The following PHF19 variants were observed in gnomAD, a reference collection of about 807,000 sequenced individuals.
PHF19 encodes the protein PHD finger protein 19.
A neutral mutation model predicts 79.8 loss-of-function variants in PHF19; 21 were observed. The observed-to-expected ratio is 0.26, with a 90% CI of 0.19 to 0.38. The LOEUF is 0.38. Among genes scored for constraint, PHF19 ranks in the 10% least tolerant of loss-of-function variants. The pLI, the probability that PHF19 is intolerant of heterozygous loss-of-function variation, is 1.00. For missense variants in PHF19, 445 were observed against 744.2 expected, an observed-to-expected ratio of 0.60 and a Z score of 4.68; for synonymous variants, 273 against 296.3, an observed-to-expected ratio of 0.92 and a Z score of 0.81.
At chr9:120,885,725 C>A (rs1168226606) in intron 1 of PHF19, among the ~76,000 whole-genome samples, 1 of 152,172 alleles carries the variant, frequency 6.6e-6, no homozygotes, top group Non-Finnish European at 1.5e-5. Context: ...TATGCCATGC[C>A]ACTTTTGTCA....
intron 14 of PHF19, among the ~76,000 whole-genome samples, chr9:120,858,674 G>A (rs927309730): frequency 6.6e-6 from 1 of 152,134 alleles, no homozygotes. Context: ...GCCTCCTGAG[G>A]CCATGCAGTG....
chr9:120,890,233 G>A (rs1289805240), intron 1 of PHF19, among the ~76,000 whole-genome samples: 1 of 146,420 alleles, frequency 6.8e-6, no homozygotes, highest in African/African-American at 2.6e-5. Flanking sequence ...GTTGGACCCT[G>A]ATTCAGGTTT....
upstream of PHF19, chr9:120,877,266 G>T (rs1179770544): frequency 4.4e-6 from 4 of 908,540 alleles, no homozygotes; most frequent in South Asian, 1.5e-4. Flanking sequence ...AGGGGGAGGC[G>T]GCGGAGGGAG....
Position 120,870,037 on chromosome 9 carries a change from G to T in PHF19, c.365-92C>A. 6.7e-7 allele frequency: 1 copy of T among 1,500,886 alleles called. No individual in the cohort carries two copies. Among genetic ancestry groups the T allele is most frequent in the East Asian group, 2.5e-5 (1 of 40,474 alleles). 93.0% of individuals were successfully genotyped at this position (1,500,886 alleles called of 1,614,324 possible). On this transcript the variant is annotated intron_variant, in intron 4 of 14. Transcript: ENST00000373896. This position sits in a 1 kb window ranked among gnomAD's most constrained non-coding sequence, Gnocchi z 4.4. The stretch of plus-strand genomic sequence containing the variant: ...GGAGGCAGGGCTGGGAGGGCTGAGG[G>T]AAGTCCTAGGAGCTCTGCCTGCCAG...
intron 1 of PHF19, chr9:120,894,652 A>C: frequency 6.7e-6 from 2 of 298,868 alleles, no homozygotes; most frequent in Non-Finnish European, 1.2e-5. Flanking sequence ...CCTGCGAGCC[A>C]GGGCAGCCCC....
upstream of PHF19, among the ~76,000 whole-genome samples, chr9:120,898,123 ATTGTTTGTT>A (rs1406190207): frequency 3.3e-5 from 5 of 151,972 alleles, no homozygotes; most frequent in African/African-American, 1.2e-4. Flanking sequence ...TCTCTCTAAG[ATTGTTTGTT>A]TTGAGACGAA....
upstream of PHF19, among the ~76,000 whole-genome samples, chr9:120,880,965 A>G (rs1159311589): frequency 6.6e-6 from 1 of 152,144 alleles, no homozygotes; most frequent in Non-Finnish European, 1.5e-5. Context: ...CTCAAAAACA[A>G]ACAAACAAAC....
intron 1 of PHF19, among the ~76,000 whole-genome samples, chr9:120,883,539 G>T (rs780232839): frequency 1.3e-5 from 2 of 152,070 alleles, no homozygotes; most frequent in Non-Finnish European, 2.9e-5. Flanking sequence ...TGGGTGAATT[G>T]CCTGAGCTCC....
At chr9:120,883,307 T>C (rs1420550677) in intron 1 of PHF19, among the ~76,000 whole-genome samples, 5 of 152,208 alleles carry the variant, frequency 3.3e-5, no homozygotes, top group African/African-American at 1.2e-4. Flanking sequence ...TTCCCTTGTC[T>C]AAATTTTAGT....
intron 1 of PHF19, among the ~76,000 whole-genome samples, chr9:120,894,228 T>A (rs1453653576): frequency 2.0e-5 from 3 of 152,148 alleles, no homozygotes; most frequent in Non-Finnish European, 4.4e-5. Flanking sequence ...GATCACCCAC[T>A]ACCTTTGGAG....
At chr9:120,872,037 C>CAAAAAAAAAGAAAAAAAGA (rs2045912428) in intron 3 of PHF19, among the ~76,000 whole-genome samples, 1 of 30,322 alleles carries the variant, frequency 3.3e-5, no homozygotes, top group Non-Finnish European at 5.5e-5. Context: ...GACTCTGTCT[C>CAAAAAAAAAGAAAAAAAGA]AAAAAAAAAA....
chr9:120,900,710 G>A, the PHF19 span, among the ~76,000 whole-genome samples: 2 of 152,150 alleles, frequency 1.3e-5, no homozygotes, highest in Admixed American at 1.3e-4. Flanking sequence ...GGGAGTGCAG[G>A]CATATGGCAC....
chr9:120,870,268 C>G lies in PHF19; in HGVS notation c.364+175G>C, dbSNP rs545019319. ...CACCATCATACCCTCCCAGCTTTCC[C>G]CAGGATCTCTTCCCAAGCCCTCACT... On this transcript the variant is annotated intron_variant, in intron 4 of 14. Transcript: ENST00000373896. The surrounding 1 kb of genome is among the most constrained non-coding windows in gnomAD (Gnocchi z 4.4). 3.2e-3 allele frequency among the ~76,000 whole-genome samples: 491 copies of G among 152,236 alleles called. 8 individuals carry two copies. Among genetic ancestry groups the G allele is most frequent in the Non-Finnish European group, 2.3e-3 (158 of 68,010 alleles).
intron 1 of PHF19, among the ~76,000 whole-genome samples, chr9:120,875,709 G>A (rs2046027171): frequency 6.6e-6 from 1 of 152,146 alleles, no homozygotes; most frequent in African/African-American, 2.4e-5. Flanking sequence ...CTAGGGTGGG[G>A]AACGGTACTA....
At chr9:120,893,247 C>A (rs1219661471) in intron 1 of PHF19, among the ~76,000 whole-genome samples, 2 of 152,232 alleles carry the variant, frequency 1.3e-5, no homozygotes, top group Non-Finnish European at 2.9e-5. Context: ...TTTGCTCAAG[C>A]CAGCTAGAGT....
upstream of PHF19, among the ~76,000 whole-genome samples, chr9:120,899,006 C>A (rs2046421406): frequency 6.6e-6 from 1 of 151,204 alleles, no homozygotes; most frequent in South Asian, 2.1e-4. Context: ...TGAGACCAGT[C>A]TGGCCAAGAT....
chr9:120,863,773 G>A (rs1243039578), intron 10 of PHF19, among the ~76,000 whole-genome samples: 3 of 152,210 alleles, frequency 2.0e-5, no homozygotes, highest in Non-Finnish European at 4.4e-5. Context: ...GGCCCCCAAG[G>A]CCTAGATGTC....
upstream of PHF19, among the ~76,000 whole-genome samples, chr9:120,896,222 C>T (rs1409413512): frequency 6.6e-6 from 1 of 152,102 alleles, no homozygotes; most frequent in Admixed American, 6.6e-5. Flanking sequence ...TAAATAATAA[C>T]ACTAGCTAGT....
In PHF19 at chr9:120,860,301, A is replaced by G; in HGVS notation, c.1305-116T>C. On this transcript the variant is annotated intron_variant, in intron 13 of 14. Coordinates refer to ENST00000373896, the MANE Select transcript of PHF19 (RefSeq NM_015651.3). This position sits in a 1 kb window ranked among gnomAD's most constrained non-coding sequence, Gnocchi z 4.1. ...CATCCCAGTGGAGGCCCGTCTTCCC[A>G]CAGCTGAGCTTCCCACCACCACACC... The G allele has an allele frequency of 1.5e-6, 1 of 657,896 alleles. No individual in the cohort carries two copies. Among genetic ancestry groups the G allele is most frequent in the South Asian group, 1.6e-5 (1 of 61,404 alleles). The allele number at this position is 657,896 out of a possible 1,614,324, so 40.8% of individuals were successfully genotyped here.
Sources: gnomAD v4.1 joint callset for allele counts (sites outside exome capture counted in the v4.1 genomes callset) on GRCh38, gnomAD v4.1.1 for gene constraint, Gnocchi (gnomAD v3.1) non-coding constraint, MANE v1.5 for transcripts, NCBI Gene and HGNC (gene_info 2026-07-23, HGNC 2026-07-21) for gene names.